Variants in MNAT1 observed in about 807,000 individuals in gnomAD.
MNAT1 encodes the protein CDK-activating kinase assembly factor MAT1.
A neutral mutation model predicts 42.0 loss-of-function variants in MNAT1; 43 were observed. The observed-to-expected ratio is 1.02, with a 90% confidence interval of 0.80 to 1.32. The LOEUF (loss-of-function observed/expected upper bound fraction) is 1.32, where lower values mean the gene tolerates loss of function less well. MNAT1 is among the 40% of genes most tolerant of loss of function. MNAT1 has a pLI of 0.00. For missense variants in MNAT1, 306 were observed against 350.4 expected, an observed-to-expected ratio of 0.87 and a Z score of 1.01; for synonymous variants, 118 against 120.0, an observed-to-expected ratio of 0.98 and a Z score of 0.11.
At chr14:60,797,009 T>C (rs917362608) in intron 2 of MNAT1, among the ~76,000 whole-genome samples, 16 of 152,086 alleles carry the variant, frequency 1.1e-4, no homozygotes, top group African/African-American at 3.9e-4. Flanking sequence ...TGTATATATA[T>C]ACCTATATAT....
chr14:60,879,844 C>T lies in MNAT1; in HGVS notation c.809+9C>T. 1 of 1,608,456 alleles carries T rather than the reference C, an allele frequency of 6.2e-7. No individual in the cohort carries two copies. Among genetic ancestry groups the T allele is most frequent in the Non-Finnish European group, 8.5e-7 (1 of 1,177,956 alleles). ...ATGCTAGGAAGACTTGGGTATGTGT[C>T]CTAAAGAACTTTACATTGAGGAGCT... On this transcript the variant is annotated intron_variant, in intron 7 of 7. Coordinates refer to ENST00000261245, the MANE Select transcript of MNAT1 (RefSeq NM_002431.4).
intron 6 of MNAT1, among the ~76,000 whole-genome samples, chr14:60,819,655 G>A (rs1212269935): frequency 6.6e-6 from 1 of 152,092 alleles, no homozygotes; most frequent in Non-Finnish European, 1.5e-5. Context: ...CAACTACTCT[G>A]TATCAATTAA....
chr14:60,855,539 C>T (rs1003108509), intron 6 of MNAT1, among the ~76,000 whole-genome samples: 11 of 152,208 alleles, frequency 7.2e-5, no homozygotes, highest in African/African-American at 2.7e-4. Context: ...CTCACAGCTT[C>T]CCTTGGCTGC....
chr14:60,963,457 T>C (rs913548951), intron 7 of MNAT1, among the ~76,000 whole-genome samples: 4 of 152,306 alleles, frequency 2.6e-5, no homozygotes, highest in Non-Finnish European at 4.4e-5. Flanking sequence ...TCAGAATGGT[T>C]TTGCTTTTTA....
At chr14:60,812,331 A>T (rs929775501) in intron 5 of MNAT1, among the ~76,000 whole-genome samples, 3 of 152,174 alleles carry the variant, frequency 2.0e-5, no homozygotes, top group Admixed American at 6.5e-5. Flanking sequence ...ATATGTTTTT[A>T]TGCTCACAAT....
rs1336761379 is a variant in MNAT1 at position 60,798,131 on chromosome 14, A to G, written c.287A>G (p.Asn96Ser). The change falls in exon 3 of 8, where the codon AAT (asparagine) becomes AGT (serine). Residue 96 changes from asparagine (N) to serine (S), a missense_variant. Physicochemically the swap from Asn to Ser is conservative, Grantham distance 46 (BLOSUM62 1). Transcript: ENST00000261245. Reference protein sequence around the residue: ...EEDFPSLREYNDFLEEVEEIV... With the variant: ...EEDFPSLREYSDFLEEVEEIV... ...GATTTTCCTAGTCTAAGAGAATACA[A>G]TGATTTCTTGGAAGAAGTGGAAGAA... is the stretch of plus-strand genomic sequence containing the variant. 16 of 1,523,650 alleles carry G rather than the reference A, an allele frequency of 1.1e-5. No individual in the cohort carries two copies. Among genetic ancestry groups the G allele is most frequent in the African/African-American group, 4.1e-5 (3 of 73,040 alleles). The allele number at this position is 1,523,650 out of a possible 1,614,324, so 94.4% of individuals were successfully genotyped here.
chr14:60,746,904 A>G (rs1310809903), intron 1 of MNAT1, among the ~76,000 whole-genome samples: 4 of 20,216 alleles, frequency 2.0e-4, no homozygotes, highest in African/African-American at 7.5e-4. Context: ...TTTCATATAT[A>G]TATATATATA....
intron 7 of MNAT1, among the ~76,000 whole-genome samples, chr14:60,899,989 A>G (rs1055730732): frequency 1.3e-5 from 2 of 151,672 alleles, no homozygotes; most frequent in African/African-American, 4.8e-5. Flanking sequence ...TACCCGTATA[A>G]GAAGGTGAAG....
chr14:60,758,480 G>A (rs570823525), intron 1 of MNAT1, among the ~76,000 whole-genome samples: 1 of 152,114 alleles, frequency 6.6e-6, no homozygotes, highest in African/African-American at 2.4e-5. Context: ...TGGGATTACA[G>A]GTGTGAGCCA....
At chr14:60,907,435 CAAAAAA>C (rs35266802) in intron 7 of MNAT1, among the ~76,000 whole-genome samples, 1 of 65,086 alleles carries the variant, frequency 1.5e-5, no homozygotes, top group African/African-American at 4.9e-5. Context: ...TCTGTCTCAC[CAAAAAA>C]AAAAAAAAAA....
At chr14:60,834,741 A>G (rs1430072805) in intron 6 of MNAT1, among the ~76,000 whole-genome samples, 1 of 152,156 alleles carries the variant, frequency 6.6e-6, no homozygotes, top group Non-Finnish European at 1.5e-5. Context: ...TGATCAGTCT[A>G]AAATTGACAG....
At chr14:60,930,206 T>TTTTTTA (rs71449542) in intron 7 of MNAT1, among the ~76,000 whole-genome samples, 10 of 138,750 alleles carry the variant, frequency 7.2e-5, no homozygotes, top group East Asian at 2.1e-4. Context: ...TTCTTCCGTC[T>TTTTTTA]TTATTATTAT....
intron 7 of MNAT1, among the ~76,000 whole-genome samples, chr14:60,941,803 G>T (rs184789014): frequency 2.6e-5 from 4 of 151,262 alleles, no homozygotes; most frequent in Non-Finnish European, 5.9e-5. Context: ...AGGAGATGGA[G>T]ACCATCGCAG....
intron 6 of MNAT1, among the ~76,000 whole-genome samples, chr14:60,858,920 A>G (rs1319248211): frequency 6.6e-6 from 1 of 152,202 alleles, no homozygotes. Context: ...TTTTACATGC[A>G]TTAGGAAATA....
rs572236982 is a variant in MNAT1 at position 60,903,124 on chromosome 14, G to A, written c.809+23289G>A. Among the ~76,000 whole-genome samples the A allele has an allele frequency of 8.1e-5, 4 of 49,470 alleles. No individual in the cohort carries two copies. In the Admixed American group the frequency reaches 1.2e-3, roughly 15 times the overall value. 32.5% of individuals were successfully genotyped at this position (49,470 alleles called of 152,430 possible). On this transcript the variant is annotated intron_variant, in intron 7 of 7. Transcript: ENST00000261245. Reference sequence around the variant, plus strand: ...TGTTTCATCATTAAGTATTATATTCGCTGTTTAAGTGTTTTTTTGTATCAC... The same window carrying A: ...TGTTTCATCATTAAGTATTATATTCACTGTTTAAGTGTTTTTTTGTATCAC...
At chr14:60,937,201 C>T (rs576620786) in intron 7 of MNAT1, among the ~76,000 whole-genome samples, 1,654 of 152,170 alleles carry the variant, frequency 0.011, 17 homozygotes, top group Non-Finnish European at 0.011. Flanking sequence ...ATGGTAGTTT[C>T]TTTTGCTGTG....
At chr14:60,859,080 A>C (rs937272453) in intron 6 of MNAT1, among the ~76,000 whole-genome samples, 1 of 152,206 alleles carries the variant, frequency 6.6e-6, no homozygotes, top group Non-Finnish European at 1.5e-5. Flanking sequence ...GTTCTGGTTA[A>C]GCTTTTGTGA....
At chr14:60,736,014 A>AT (rs1436059203) in intron 1 of MNAT1, among the ~76,000 whole-genome samples, 2 of 152,244 alleles carry the variant, frequency 1.3e-5, no homozygotes, top group African/African-American at 4.8e-5. Flanking sequence ...AAATTGCATG[A>AT]TTAGCTGTAG....
intron 7 of MNAT1, among the ~76,000 whole-genome samples, chr14:60,905,079 T>A (rs142905975): frequency 1.2e-4 from 18 of 151,196 alleles, no homozygotes; most frequent in African/African-American, 3.6e-4. Flanking sequence ...CTTTTGTTAT[T>A]CATTTGGTTG....
Sources: gnomAD v4.1 joint callset for allele counts (sites outside exome capture counted in the v4.1 genomes callset) on GRCh38, gnomAD v4.1.1 for gene constraint, MANE v1.5 for transcripts, NCBI Gene and HGNC (gene_info 2026-07-23, HGNC 2026-07-21) for gene names.